DZIP3: variants seen among roughly 807,000 people sequenced by gnomAD.
DZIP3 encodes DAZ interacting zinc finger protein 3.
In DZIP3, 118 loss-of-function variants were observed where a neutral mutation model predicts 162.0. The observed-to-expected ratio is 0.73, with a 90% CI of 0.63 to 0.85. The LOEUF is 0.85. Among genes scored for constraint, DZIP3 ranks in the 40% least tolerant of loss-of-function variants. DZIP3 has a pLI of 0.00. For synonymous variants in DZIP3, 438 were observed against 458.6 expected (o/e 0.96, Z 0.57); for missense variants, 1,331 against 1,407.0 (o/e 0.95, Z 0.86).
rs879508826 is a variant in DZIP3, at chr3:108,653,517, A to G, written c.2034-628A>G. Among the ~76,000 whole-genome samples, 1,002 of 131,926 alleles carry G rather than the reference A, an allele frequency of 7.6e-3. 12 individuals are homozygous for G. Among genetic ancestry groups the G allele is most frequent in the African/African-American group, 0.022 (652 of 29,340 alleles). The allele number at this position is 131,926 out of a possible 152,430, so 86.5% of individuals were successfully genotyped here. ...CCATTGTGTGTGTGTGTATATATATATATATATATATATATATATATATAT... is the reference window on the plus strand; with the variant it reads ...CCATTGTGTGTGTGTGTATATATATGTATATATATATATATATATATATAT... On this transcript the variant is annotated intron_variant, in intron 18 of 32. Transcript: ENST00000361582.
intron 3 of DZIP3, among the ~76,000 whole-genome samples, chr3:108,610,916 C>A (rs1241762555): frequency 6.6e-6 from 1 of 152,112 alleles, no homozygotes; most frequent in Non-Finnish European, 1.5e-5. Flanking sequence ...TAATAGCTGA[C>A]GCATCAGTCA....
At chr3:108,630,342 A>G (rs978854248) in intron 8 of DZIP3, among the ~76,000 whole-genome samples, 1 of 152,164 alleles carries the variant, frequency 6.6e-6, no homozygotes, top group African/African-American at 2.4e-5. Flanking sequence ...GGCCAAAAGC[A>G]TTACTCAAAA....
At chr3:108,630,771 A>G (rs1941796605) in intron 8 of DZIP3, among the ~76,000 whole-genome samples, 1 of 151,438 alleles carries the variant, frequency 6.6e-6, no homozygotes, top group African/African-American at 2.4e-5. Context: ...ATGCACAATA[A>G]TATATATATA....
intron 15 of DZIP3, among the ~76,000 whole-genome samples, chr3:108,647,177 A>G (rs1441925569): frequency 2.0e-5 from 3 of 152,198 alleles, no homozygotes; most frequent in Non-Finnish European, 4.4e-5. Context: ...CGTTTTACTC[A>G]CAAAAACTTC....
intron 31 of DZIP3, 29 bp downstream of exon 31, chr3:108,688,953 G>C: frequency 6.3e-7 from 1 of 1,590,816 alleles, no homozygotes; most frequent in East Asian, 2.2e-5. Context: ...CCATTAATCA[G>C]CTAAATGAGA....
In DZIP3 at chr3:108,677,677, G is replaced by C. The variant is rs192896116; in HGVS notation, c.2883+79G>C. ...AGGGCTGTGAAACACTGAATATGCA[G>C]TATGTTTAACGTGTGTTCAAAATGG... On this transcript the variant is annotated intron_variant, in intron 26 of 32. Coordinates refer to ENST00000361582, the MANE Select transcript of DZIP3 (RefSeq NM_014648.4). 1.4e-4 allele frequency: 181 copies of C among 1,257,684 alleles called. 3 individuals carry two copies. The African/African-American group carries it at 2.5e-3, about 18-fold the overall frequency. 77.9% of individuals were successfully genotyped at this position (1,257,684 alleles called of 1,614,324 possible). A position where few individuals can be genotyped will look rare whatever the true frequency, so the allele number is the denominator to read the frequency against.
chr3:108,617,138 CA>C (rs1465897080), intron 5 of DZIP3, among the ~76,000 whole-genome samples: 2 of 151,880 alleles, frequency 1.3e-5, no homozygotes, highest in Non-Finnish European at 2.9e-5. Flanking sequence ...AGATGTTGGT[CA>C]AAAGATACAA....
At chr3:108,656,640 C>T (rs908895197) in intron 19 of DZIP3, among the ~76,000 whole-genome samples, 8 of 152,088 alleles carry the variant, frequency 5.3e-5, no homozygotes, top group African/African-American at 1.4e-4. Context: ...CAAACCTGGA[C>T]GGAGAATGAC....
intron 30 of DZIP3, 27 bp downstream of exon 30, chr3:108,688,763 C>A: frequency 6.2e-7 from 1 of 1,613,732 alleles, no homozygotes; most frequent in Non-Finnish European, 8.5e-7. Flanking sequence ...TGATTCTGAA[C>A]ACATTTAGAT....
intron 24 of DZIP3, among the ~76,000 whole-genome samples, chr3:108,674,404 A>C (rs1944028928): frequency 6.6e-6 from 1 of 151,828 alleles, no homozygotes; most frequent in Non-Finnish European, 1.5e-5. Flanking sequence ...AAACCTCAAA[A>C]GTCATTTAGT....
intron 21 of DZIP3, 59 bp from the exon 22 acceptor site, chr3:108,669,622 G>T: frequency 1.3e-6 from 2 of 1,499,794 alleles, no homozygotes; most frequent in South Asian, 2.3e-5. Context: ...GAGCTCTTCT[G>T]ACTGTGTTAA....
intron 13 of DZIP3, among the ~76,000 whole-genome samples, chr3:108,643,148 G>A (rs1182759475): frequency 6.6e-6 from 1 of 152,118 alleles, no homozygotes; most frequent in Non-Finnish European, 1.5e-5. Context: ...TTGAAACATA[G>A]AATCTTGAAG....
intron 2 of DZIP3, among the ~76,000 whole-genome samples, chr3:108,606,486 T>TTA (rs1353846349): frequency 6.6e-6 from 1 of 152,198 alleles, no homozygotes; most frequent in African/African-American, 2.4e-5. Context: ...TAAAAAGTAA[T>TTA]TATATCTTTA....
rs576509720 is a variant in DZIP3, at chr3:108,601,686, G to A, written c.-72-3649G>A. Among the ~76,000 whole-genome samples the A allele has an allele frequency of 2.6e-5, 4 of 152,242 alleles. No homozygotes were observed. In the South Asian group the frequency reaches 8.3e-4, roughly 32 times the overall value. ...GTCTCTATCTTGGCCAGGTATTTTTGAAATCAACCCAGTAGTGCCATAGAT... is the reference window on the plus strand; with the variant it reads ...GTCTCTATCTTGGCCAGGTATTTTTAAAATCAACCCAGTAGTGCCATAGAT... On this transcript the variant is annotated intron_variant, in intron 1 of 32. Coordinates refer to ENST00000361582, the MANE Select transcript of DZIP3 (RefSeq NM_014648.4).
intron 21 of DZIP3, among the ~76,000 whole-genome samples, chr3:108,665,840 TCCTG>T (rs1213680333): frequency 6.6e-6 from 1 of 152,086 alleles, no homozygotes; most frequent in Non-Finnish European, 1.5e-5. Context: ...GAACCATGAA[TCCTG>T]TATTTAGCAA....
At chr3:108,630,142 C>A (rs886601792) in intron 8 of DZIP3, among the ~76,000 whole-genome samples, 10 of 152,042 alleles carry the variant, frequency 6.6e-5, no homozygotes, top group African/African-American at 1.4e-4. Context: ...TTTTCCCACA[C>A]CTTCTGGGTG....
chr3:108,591,237 C>T (rs1375739915), intron 1 of DZIP3, among the ~76,000 whole-genome samples: 1 of 152,030 alleles, frequency 6.6e-6, no homozygotes, highest in Non-Finnish European at 1.5e-5. Flanking sequence ...GTAGAAAGAA[C>T]GAGGAGGAGA....
chr3:108,626,111 T>C (rs1941579719), intron 7 of DZIP3, 142 bp downstream of exon 7: 1 of 954,330 alleles, frequency 1.0e-6, no homozygotes, highest in African/African-American at 1.7e-5. Context: ...TTTGTATAGA[T>C]AATTTCTTTA....
At chr3:108,610,941 CA>C (rs1423706403) in intron 3 of DZIP3, among the ~76,000 whole-genome samples, 1 of 152,066 alleles carries the variant, frequency 6.6e-6, no homozygotes, top group Non-Finnish European at 1.5e-5. Context: ...ATGTAAAAAG[CA>C]CATTTAGATA....
Sources: allele counts gnomAD v4.1 joint callset (sites outside exome capture counted in the v4.1 genomes callset), GRCh38; gene constraint gnomAD v4.1.1; transcripts MANE v1.5; gene names NCBI Gene and HGNC (gene_info 2026-07-23, HGNC 2026-07-21).